GOSR1: variants seen among roughly 807,000 people sequenced by gnomAD.
GOSR1 encodes the protein 28 kDa Golgi SNARE protein.
Under a neutral mutation model 35.5 loss-of-function variants are expected in GOSR1, and 21 were observed. That is an observed-to-expected ratio of 0.59 (90% CI 0.42 to 0.85). The LOEUF (loss-of-function observed/expected upper bound fraction) is 0.85. Among genes scored for constraint, GOSR1 ranks in the 40% least tolerant of loss-of-function variants. The probability of loss-of-function intolerance (pLI) is 0.00; values close to 1 mark genes in which losing one functional copy is unlikely to be tolerated. For missense variants in GOSR1, 285 were observed against 309.6 expected (o/e 0.92, Z 0.60); for synonymous variants, 94 against 106.6 (o/e 0.88, Z 0.73).
Position 30,481,184 on chromosome 17 carries a change from C to G in GOSR1, c.73C>G (p.Leu25Val). The change falls in exon 2 of 9, where the codon CTG becomes GTG. Residue 25 changes from leucine to valine, a missense_variant. Around this residue, in one of 3 missense-constraint regions of GOSR1, gnomAD observed 108 missense variants for 98.9 expected, o/e 1.09. Transcript: ENST00000451249. ...TCGACAGCTGGAAAATGAACTTGAC[C>G]TGAAACTAGTTTCCTTCAGCAAACT... Reference protein sequence around the residue: ...QARQLENELDLKLVSFSKLCT... With the variant: ...QARQLENELDVKLVSFSKLCT... The G allele has an allele frequency of 6.3e-7, 1 of 1,599,670 alleles. No individual in the cohort carries two copies. Among genetic ancestry groups the G allele is most frequent in the Non-Finnish European group, 8.6e-7 (1 of 1,166,872 alleles).
rs532572182 is a variant in GOSR1, at chr17:30,516,342, C to T, written c.540-3597C>T. 8.6e-5 allele frequency among the ~76,000 whole-genome samples: 13 copies of T among 151,890 alleles called. 1 individual carries two copies. The South Asian group carries it at 1.9e-3, about 22-fold the overall frequency. On this transcript the variant is annotated intron_variant, in intron 7 of 8. Coordinates refer to ENST00000451249, the MANE Select transcript of GOSR1 (RefSeq NM_001007025.2). ...AAAATTAGCTGGGCGTGGTGGCAGG[C>T]GCCTGTAGTCCCAGCTACTCAGGAG...
At chr17:30,498,176 T>A (rs1967071435) in intron 6 of GOSR1, among the ~76,000 whole-genome samples, 1 of 151,910 alleles carries the variant, frequency 6.6e-6, no homozygotes, top group Admixed American at 6.6e-5. Flanking sequence ...TAGATGGAGA[T>A]AATAAAATTT....
chr17:30,505,346 G>A (rs1567910157), intron 6 of GOSR1, among the ~76,000 whole-genome samples: 1 of 152,134 alleles, frequency 6.6e-6, no homozygotes, highest in Non-Finnish European at 1.5e-5. Flanking sequence ...GATGTAGTGA[G>A]CTGTGATGGT....
At position 30,477,452 on chromosome 17, in the gene GOSR1, A is replaced by G. The variant is rs1426374469; in HGVS notation, c.19A>G (p.Ser7Gly). The G allele has an allele frequency of 1.9e-6, 3 of 1,609,016 alleles. No homozygotes were observed. Among genetic ancestry groups the G allele is most frequent in the Non-Finnish European group, 1.7e-6 (2 of 1,177,190 alleles). The change falls in exon 1 of 9, where the codon AGT becomes GGT. Residue 7 changes from serine to glycine, a missense_variant. This residue lies in a region of GOSR1 where 108 missense variants were observed against 98.9 expected (regional missense o/e 1.09). Transcript: ENST00000451249. MAAGTS[S>G]YWEDLRKQAR... The stretch of plus-strand genomic sequence containing the variant: ...GACAAAGATGGCGGCAGGGACCAGC[A>G]GTTACTGGGAAGGTGAGGGCGAGAA...
rs1260735490 is a variant in GOSR1 at position 30,526,929 on chromosome 17, G to T, written c.*4551G>T. 3.3e-5 allele frequency: 5 copies of T among 152,220 alleles called. No homozygotes were observed. Among genetic ancestry groups the T allele is most frequent in the African/African-American group, 1.2e-4 (5 of 41,448 alleles). The allele number at this position is 152,220 out of a possible 1,614,324, so 9.4% of individuals were successfully genotyped here. On this transcript the variant is annotated 3_prime_UTR_variant, in exon 9 of 9. Coordinates refer to ENST00000451249, the MANE Select transcript of GOSR1 (RefSeq NM_001007025.2). The stretch of plus-strand genomic sequence containing the variant: ...CTCATGATGTCCTGAAACCCAGGAT[G>T]AAATAATACAGGTGCTGAAAAGCTG...
intron 2 of GOSR1, among the ~76,000 whole-genome samples, chr17:30,483,541 C>T (rs970195588): frequency 1.3e-5 from 2 of 152,156 alleles, no homozygotes; most frequent in Non-Finnish European, 2.9e-5. Context: ...TAATACTTTT[C>T]ATTTGCCACA....
At chr17:30,520,364 T>G (rs1037699522) in intron 8 of GOSR1, 1 of 169,760 alleles carries the variant, frequency 5.9e-6, no homozygotes, top group Non-Finnish European at 1.2e-5. Flanking sequence ...ACATGATAAA[T>G]TATATGCCTT....
intron 6 of GOSR1, among the ~76,000 whole-genome samples, chr17:30,493,379 G>A (rs1188803673): frequency 6.6e-6 from 1 of 152,176 alleles, no homozygotes; most frequent in Non-Finnish European, 1.5e-5. Context: ...AATTAGATGA[G>A]TCGTAGAGAC....
At chr17:30,509,998 T>C (rs1967555074) in intron 6 of GOSR1, among the ~76,000 whole-genome samples, 1 of 152,224 alleles carries the variant, frequency 6.6e-6, no homozygotes, top group Non-Finnish European at 1.5e-5. Flanking sequence ...TCATTAAAAC[T>C]GTTCTGACTC....
chr17:30,503,729 A>G (rs1379116889), intron 6 of GOSR1, among the ~76,000 whole-genome samples: 1 of 152,204 alleles, frequency 6.6e-6, no homozygotes, highest in Non-Finnish European at 1.5e-5. Flanking sequence ...TAAGCTAAGG[A>G]TGACAGTGGG....
At chr17:30,481,843 G>T (rs1157305742) in intron 2 of GOSR1, among the ~76,000 whole-genome samples, 1 of 151,898 alleles carries the variant, frequency 6.6e-6, no homozygotes, top group Non-Finnish European at 1.5e-5. Context: ...GAAAATATTG[G>T]GAGTAGCCAG....
chr17:30,503,358 ATTG>A (rs762330261), intron 6 of GOSR1, among the ~76,000 whole-genome samples: 9 of 152,168 alleles, frequency 5.9e-5, no homozygotes, highest in Non-Finnish European at 1.3e-4. Context: ...AATGTAGCTT[ATTG>A]TTTTCAGCTA....
At chr17:30,486,872 A>C (rs957516248) in intron 4 of GOSR1, among the ~76,000 whole-genome samples, 1 of 152,210 alleles carries the variant, frequency 6.6e-6, no homozygotes, top group Non-Finnish European at 1.5e-5. Flanking sequence ...GGATAGGAAG[A>C]CTTTCGTCTA....
intron 6 of GOSR1, among the ~76,000 whole-genome samples, chr17:30,510,199 G>A (rs1164208160): frequency 5.3e-5 from 8 of 151,882 alleles, no homozygotes; most frequent in South Asian, 4.2e-4. Flanking sequence ...TCAGCCTGCC[G>A]AGTAGCTGGG....
At chr17:30,499,557 G>A (rs1967126845) in intron 6 of GOSR1, among the ~76,000 whole-genome samples, 1 of 152,136 alleles carries the variant, frequency 6.6e-6, no homozygotes, top group Non-Finnish European at 1.5e-5. Flanking sequence ...TAGCCAGGAT[G>A]GTCTTGATCT....
intron 1 of GOSR1, among the ~76,000 whole-genome samples, chr17:30,478,334 G>A (rs1005379746): frequency 3.3e-5 from 5 of 152,066 alleles, no homozygotes; most frequent in Non-Finnish European, 5.9e-5. Flanking sequence ...TGTTTTTATT[G>A]CTATACACTG....
rs182978008 is a variant in GOSR1 at position 30,515,436 on chromosome 17, G to A, written c.540-4503G>A. Among the ~76,000 whole-genome samples, 18 of 152,152 alleles carry A rather than the reference G, an allele frequency of 1.2e-4. No homozygotes were observed. In the South Asian group the frequency reaches 1.7e-3, roughly 14 times the overall value. ...TAGGCCTCACCATGCGTGATCAGGC[G>A]GACCTGGCTGTTTCACTGGGGACTT... is the stretch of plus-strand genomic sequence containing the variant. On this transcript the variant is annotated intron_variant, in intron 7 of 8. Coordinates refer to ENST00000451249, the MANE Select transcript of GOSR1 (RefSeq NM_001007025.2).
chr17:30,518,349 G>A (rs1187698133), intron 7 of GOSR1, among the ~76,000 whole-genome samples: 1 of 151,048 alleles, frequency 6.6e-6, no homozygotes, highest in Non-Finnish European at 1.5e-5. Flanking sequence ...TTTTATTCTT[G>A]TGCTACTCCA....
intron 7 of GOSR1, among the ~76,000 whole-genome samples, chr17:30,515,082 A>G (rs1387198791): frequency 6.6e-6 from 1 of 151,974 alleles, no homozygotes; most frequent in Non-Finnish European, 1.5e-5. Context: ...TTACCTCCTC[A>G]CACATCTAGT....
Sources: gnomAD v4.1 joint callset for allele counts (sites outside exome capture counted in the v4.1 genomes callset) on GRCh38, gnomAD v4.1.1 for gene constraint, gnomAD v4.1.1 regional missense constraint, MANE v1.5 for transcripts, NCBI Gene and HGNC (gene_info 2026-07-23, HGNC 2026-07-21) for gene names.